OTOGL: variants seen among roughly 807,000 people sequenced by gnomAD.
OTOGL encodes the protein otogelin-like protein.
In OTOGL, 285 loss-of-function variants were observed where a neutral mutation model predicts 318.5. The ratio of observed to expected loss-of-function variants is 0.89; its 90% CI spans 0.81 to 0.99. The LOEUF is 0.99. Among genes scored for constraint, OTOGL ranks in the 50% least tolerant of loss-of-function variants. The pLI is 0.00. For synonymous variants in OTOGL, 987 were observed against 936.5 expected, an observed-to-expected ratio of 1.05 and a Z score of -0.99; for missense variants, 2,899 against 2,845.6, an observed-to-expected ratio of 1.02 and a Z score of -0.43.
At chr12:80,275,721 C>A (rs1158491770) in intron 24 of OTOGL, among the ~76,000 whole-genome samples, 1 of 151,700 alleles carries the variant, frequency 6.6e-6, no homozygotes, top group African/African-American at 2.4e-5. Flanking sequence ...GAAATTGCCA[C>A]AGATATCCCA....
intron 26 of OTOGL, among the ~76,000 whole-genome samples, chr12:80,279,660 T>C (rs990127265): frequency 6.6e-6 from 1 of 151,848 alleles, no homozygotes; most frequent in Non-Finnish European, 1.5e-5. Context: ...ATGGTGTATA[T>C]GTACCACATT....
chr12:80,256,582 G>A (rs1414533547), intron 17 of OTOGL, 122 bp downstream of exon 17: 33 of 1,352,332 alleles, frequency 2.4e-5, no homozygotes, highest in Non-Finnish European at 2.9e-5. Flanking sequence ...AGCATTTATA[G>A]AGTTTGTATG....
intron 1 of OTOGL, among the ~76,000 whole-genome samples, chr12:80,150,876 C>T (rs1872743790): frequency 1.3e-5 from 2 of 151,990 alleles, no homozygotes; most frequent in Admixed American, 6.6e-5. Flanking sequence ...CTTTTAAAAG[C>T]AATTTCTGAA....
chr12:80,131,860 G>C (rs1426713235), intron 1 of OTOGL: 2 of 152,180 alleles, frequency 1.3e-5, no homozygotes, highest in Admixed American at 6.5e-5. Context: ...CAGAAGATAA[G>C]TATAGAGTGG....
intron 20 of OTOGL, chr12:80,265,497 C>A (rs371679653): frequency 7.5e-6 from 3 of 398,270 alleles, no homozygotes; most frequent in African/African-American, 2.0e-5. Context: ...AAATTCTTAT[C>A]GTGGAAATAT....
intron 21 of OTOGL, 73 bp downstream of exon 21, chr12:80,266,689 A>G: frequency 1.4e-6 from 2 of 1,404,130 alleles, no homozygotes; most frequent in South Asian, 1.4e-5. Context: ...ATGAGCTTTC[A>G]TGGAAGTTTT....
chr12:80,254,601 G>A (rs774773153), intron 15 of OTOGL, 31 bp downstream of exon 15: 1 of 1,569,970 alleles, frequency 6.4e-7, no homozygotes, highest in South Asian at 1.1e-5. Flanking sequence ...TATAGAGAAT[G>A]TTTCAAATTT....
chr12:80,239,601 C>A (rs2137435241), intron 11 of OTOGL, among the ~76,000 whole-genome samples, 162 bp downstream of exon 11: 1 of 152,122 alleles, frequency 6.6e-6, no homozygotes, highest in African/African-American at 2.4e-5. Flanking sequence ...ATAACAGTCA[C>A]CGTCTAATTT....
At chr12:80,319,591 G>A (rs1887195253) in intron 33 of OTOGL, among the ~76,000 whole-genome samples, 1 of 152,072 alleles carries the variant, frequency 6.6e-6, no homozygotes, top group Non-Finnish European at 1.5e-5. Context: ...GTGCTCAGCA[G>A]AAGAACTTAA....
In OTOGL at chr12:80,340,756, C is replaced by A. The variant is rs546025303; in HGVS notation, c.5051-1192C>A. Among the ~76,000 whole-genome samples, 3 of 152,218 alleles carry A rather than the reference C, an allele frequency of 2.0e-5. No homozygotes were observed. The South Asian group carries it at 6.2e-4, about 32-fold the overall frequency. ...GCTTCTAGTGAGTAAGACTGTTATCCAAACAGGGTCTGAACACTGGAATGA... is the reference window on the plus strand; with the variant it reads ...GCTTCTAGTGAGTAAGACTGTTATCAAAACAGGGTCTGAACACTGGAATGA... On this transcript the variant is annotated intron_variant, in intron 43 of 58. Coordinates refer to ENST00000547103, the MANE Select transcript of OTOGL (RefSeq NM_001378609.3).
At chr12:80,252,305 C>A in intron 13 of OTOGL, 104 bp downstream of exon 13, 1 of 1,228,182 alleles carries the variant, frequency 8.1e-7, no homozygotes, top group Non-Finnish European at 1.1e-6. Flanking sequence ...TACATTGGAC[C>A]TATTGCAATT....
chr12:80,358,251 G>C lies in OTOGL; in HGVS notation c.6023G>C (p.Cys2008Ser). ...EPCCFSPFCV[C>S]ESCTKPVPLC... ...TTGGCTTCTTGTTTTACCTTAGTTT[G>C]TGAATCTTGCACCAAACCTGTTCCA... The change falls in exon 50 of 59, where the codon TGT becomes TCT. Residue 2008 changes from cysteine to serine, a missense_variant. Physicochemically the swap from Cys to Ser is moderately radical, Grantham distance 112. Coordinates refer to ENST00000547103, the MANE Select transcript of OTOGL (RefSeq NM_001378609.3). 1.9e-6 allele frequency: 3 copies of C among 1,607,708 alleles called. No homozygotes were observed. Among genetic ancestry groups the C allele is most frequent in the Non-Finnish European group, 2.6e-6 (3 of 1,175,632 alleles).
chr12:80,250,285 T>C (rs978059959), intron 11 of OTOGL, among the ~76,000 whole-genome samples: 4 of 152,178 alleles, frequency 2.6e-5, no homozygotes, highest in Non-Finnish European at 5.9e-5. Context: ...TAAATTATAA[T>C]TTTTTTCTTG....
At chr12:80,119,730 T>TA (rs1398991957) in intron 1 of OTOGL, among the ~76,000 whole-genome samples, 1 of 152,210 alleles carries the variant, frequency 6.6e-6, no homozygotes, top group East Asian at 1.9e-4. Context: ...TACTATGTCT[T>TA]AGTTATCTGT....
At chr12:80,109,441 C>A (rs1229068738) in intron 1 of OTOGL, among the ~76,000 whole-genome samples, 1 of 152,088 alleles carries the variant, frequency 6.6e-6, no homozygotes, top group Admixed American at 6.5e-5. Context: ...CTCATAGTAT[C>A]TTATTTTACT....
At chr12:80,190,630 A>T (rs1429208974) in intron 1 of OTOGL, among the ~76,000 whole-genome samples, 1 of 151,944 alleles carries the variant, frequency 6.6e-6, no homozygotes, top group Non-Finnish European at 1.5e-5. Flanking sequence ...TACTAAAAAT[A>T]CAAAAAATTA....
chr12:80,211,388 T>C (rs1592551059), intron 3 of OTOGL, among the ~76,000 whole-genome samples: 1 of 152,172 alleles, frequency 6.6e-6, no homozygotes, highest in African/African-American at 2.4e-5. Flanking sequence ...CACCATTTGA[T>C]TTTTTAAAAA....
Position 80,279,167 on chromosome 12 carries a change from G to T in OTOGL, c.2928+1G>T. On this transcript the variant is annotated splice_donor_variant, in intron 26 of 58. Coordinates refer to ENST00000547103, the MANE Select transcript of OTOGL (RefSeq NM_001378609.3). LOFTEE classifies it high-confidence loss of function. ...TGATTGCCAGGTGTTTTTGATAAAG[G>T]TAGGTCACAGTTACACATTTTTATT... is the stretch of plus-strand genomic sequence containing the variant. 1.3e-6 allele frequency: 2 copies of T among 1,585,266 alleles called. No individual in the cohort carries two copies. The highest frequency in any genetic ancestry group is 1.1e-5 in the South Asian group (1 of 88,214).
At chr12:80,205,806 G>A (rs1482795020) in intron 1 of OTOGL, among the ~76,000 whole-genome samples, 2 of 152,164 alleles carry the variant, frequency 1.3e-5, no homozygotes, top group Non-Finnish European at 2.9e-5. Flanking sequence ...AAAAATGAGT[G>A]TTATGTAAAT....
Sources: gnomAD v4.1 joint callset for allele counts (sites outside exome capture counted in the v4.1 genomes callset) on GRCh38, gnomAD v4.1.1 for gene constraint, MANE v1.5 for transcripts, NCBI Gene and HGNC (gene_info 2026-07-23, HGNC 2026-07-21) for gene names.